PAPPA: variants seen among roughly 807,000 people sequenced by gnomAD.
PAPPA encodes pappalysin 1, also known as pappalysin-1.
In PAPPA, 60 loss-of-function variants were observed where a neutral mutation model predicts 164.0. The observed-to-expected ratio is 0.37, with a 90% CI of 0.30 to 0.45. The LOEUF is 0.45. PAPPA is among the 20% of genes least tolerant of loss of function. The pLI is 1.00. For missense variants in PAPPA, 1,782 were observed against 2,087.3 expected (o/e 0.85, Z 2.85); for synonymous variants, 875 against 814.1 (o/e 1.07, Z -1.27).
rs77428825 is a variant in PAPPA at position 116,368,513 on chromosome 9, C to G, written c.4605+759C>G. 9.2e-4 allele frequency among the ~76,000 whole-genome samples: 140 copies of G among 152,322 alleles called. 2 individuals are homozygous for G. In the East Asian group the frequency reaches 0.012, roughly 13 times the overall value. ...CCCAGCCAGATGACTACAGAGGCCC[C>G]CTCCTCAGGGCAGTGTCAGTTTGAC... On this transcript the variant is annotated intron_variant, in intron 19 of 21. Transcript: ENST00000328252.
intron 16 of PAPPA, 83 bp from the exon 17 acceptor site, chr9:116,353,539 G>A: frequency 8.1e-7 from 1 of 1,227,772 alleles, no homozygotes; most frequent in Non-Finnish European, 1.2e-6. Context: ...AGGAAATGGG[G>A]GCCCAGCTGG....
At chr9:116,188,757 G>T (rs534833351) in intron 2 of PAPPA, among the ~76,000 whole-genome samples, 1 of 152,226 alleles carries the variant, frequency 6.6e-6, no homozygotes, top group African/African-American at 2.4e-5. Flanking sequence ...AAAGAGGTGG[G>T]GTCGCATGGG....
intron 4 of PAPPA, among the ~76,000 whole-genome samples, chr9:116,218,593 A>G (rs1399386521): frequency 2.0e-5 from 3 of 152,192 alleles, no homozygotes; most frequent in African/African-American, 4.8e-5. Context: ...CACACCCTGG[A>G]AAAGAGAGAT....
chr9:116,323,995 C>T (rs951449630), intron 10 of PAPPA, among the ~76,000 whole-genome samples: 11 of 152,196 alleles, frequency 7.2e-5, no homozygotes, highest in African/African-American at 2.7e-4. Flanking sequence ...CCGGGGCAGA[C>T]CTGAAAAGGC....
intron 7 of PAPPA, among the ~76,000 whole-genome samples, chr9:116,254,525 G>A (rs1057277454): frequency 2.5e-4 from 38 of 152,152 alleles, no homozygotes; most frequent in African/African-American, 7.2e-5. Context: ...GCTCACACCT[G>A]TAATCCCAGC....
chr9:116,268,458 T>A (rs1020057808), intron 8 of PAPPA, among the ~76,000 whole-genome samples: 1 of 152,174 alleles, frequency 6.6e-6, no homozygotes, highest in African/African-American at 2.4e-5. Context: ...GAACTTCATA[T>A]CTAGACTATC....
At chr9:116,216,670 C>T (rs1844376062) in intron 4 of PAPPA, among the ~76,000 whole-genome samples, 1 of 152,162 alleles carries the variant, frequency 6.6e-6, no homozygotes, top group African/African-American at 2.4e-5. Flanking sequence ...CCTTTGGTAC[C>T]TCTCCCCAGA....
chr9:116,223,258 T>C (rs2118713134), intron 5 of PAPPA, among the ~76,000 whole-genome samples: 1 of 152,312 alleles, frequency 6.6e-6, no homozygotes, highest in Non-Finnish European at 1.5e-5. Context: ...ATTTACTTTT[T>C]CTGTGGTGAT....
chr9:116,234,630 G>T (rs1184704975), intron 6 of PAPPA, among the ~76,000 whole-genome samples: 1 of 152,154 alleles, frequency 6.6e-6, no homozygotes, highest in East Asian at 1.9e-4. Context: ...ATCCAATAGG[G>T]AGAACAGCAA....
chr9:116,207,352 G>A (rs1177486576), intron 2 of PAPPA, 104 bp from the exon 3 acceptor site: 2 of 847,688 alleles, frequency 2.4e-6, no homozygotes, highest in Admixed American at 5.1e-5. Flanking sequence ...TTTTTAAAGT[G>A]CTTAGCAAAA....
In PAPPA at chr9:116,175,484, T is replaced by C. The variant is rs1000568436; in HGVS notation, c.416-11670T>C. On this transcript the variant is annotated intron_variant, in intron 1 of 21. Transcript: ENST00000328252. ...ATACGTATTTCATAATATCATGTTG[T>C]ACAGTATTAATATACATAATTTTTG... Among the ~76,000 whole-genome samples, 3 of 152,322 alleles carry C rather than the reference T, an allele frequency of 2.0e-5. No individual in the cohort carries two copies. In the South Asian group the frequency reaches 6.2e-4, roughly 32 times the overall value.
intron 1 of PAPPA, among the ~76,000 whole-genome samples, chr9:116,168,789 A>T (rs1459886409): frequency 6.6e-6 from 1 of 152,144 alleles, no homozygotes; most frequent in Non-Finnish European, 1.5e-5. Flanking sequence ...CATCTGCATC[A>T]AGCCAATGCA....
chr9:116,254,649 G>T (rs928446088), intron 7 of PAPPA, among the ~76,000 whole-genome samples: 3 of 151,962 alleles, frequency 2.0e-5, no homozygotes, highest in Non-Finnish European at 2.9e-5. Flanking sequence ...GGGCGTGGTG[G>T]TGGGCGCCTG....
At chr9:116,353,462 A>G (rs764678367) in intron 16 of PAPPA, among the ~76,000 whole-genome samples, 160 bp from the exon 17 acceptor site, 6 of 152,216 alleles carry the variant, frequency 3.9e-5, no homozygotes, top group Non-Finnish European at 7.3e-5. Flanking sequence ...TGGATGAATT[A>G]TCCTTAATTC....
At chr9:116,156,604 A>T (rs1434787412) in intron 1 of PAPPA, among the ~76,000 whole-genome samples, 3 of 152,018 alleles carry the variant, frequency 2.0e-5, no homozygotes, top group Admixed American at 2.0e-4. Context: ...ATAAATAAGC[A>T]CTGCTGTCGT....
chr9:116,265,955 G>T lies in PAPPA; in HGVS notation c.2831G>T (p.Ser944Ile). The T allele has an allele frequency of 1.9e-6, 3 of 1,611,550 alleles. No homozygotes were observed. Among genetic ancestry groups the T allele is most frequent in the Non-Finnish European group, 2.5e-6 (3 of 1,178,084 alleles). ...PSPAVTYIHGSGYCGDGIIQK... is the reference protein window; with the variant it reads ...PSPAVTYIHGIGYCGDGIIQK... ...CCTGCTGTCACATACATCCATGGAAGTGGGTACTGTGGCGATGGCATTATA... is the reference window on the plus strand; with the variant it reads ...CCTGCTGTCACATACATCCATGGAATTGGGTACTGTGGCGATGGCATTATA... The change falls in exon 8 of 22, where the codon AGT (serine) becomes ATT (isoleucine). Residue 944 changes from serine to isoleucine, a missense_variant. Physicochemically the swap from Ser to Ile is moderately radical, Grantham distance 142 (BLOSUM62 -2). This residue lies in a region of PAPPA where 1,324 missense variants were observed against 1,656.9 expected (regional missense o/e 0.80). Coordinates refer to ENST00000328252, the MANE Select transcript of PAPPA (RefSeq NM_002581.5).
chr9:116,363,476 C>T (rs1846456820), intron 18 of PAPPA, among the ~76,000 whole-genome samples: 1 of 152,144 alleles, frequency 6.6e-6, no homozygotes, highest in South Asian at 2.1e-4. Context: ...GGATTGTATG[C>T]CAGGGATTTG....
Position 116,211,721 on chromosome 9 carries a change from C to A in PAPPA, c.1707C>A (p.Gly569=), listed in dbSNP as rs1844309552. The change falls in exon 4 of 22, where the codon GGC becomes GGA. Residue 569 remains glycine (G), a synonymous_variant. Coordinates refer to ENST00000328252, the MANE Select transcript of PAPPA (RefSeq NM_002581.5). The stretch of plus-strand genomic sequence containing the variant: ...TCCATGAGATTGGTCACAGCCTGGG[C>A]CTCTATCACGTCTTCCGAGGCATCT... ...TMIHEIGHSL[G]LYHVFRGISE... is the part of the protein sequence containing the mutation. 2.5e-6 allele frequency: 4 copies of A among 1,614,084 alleles called. No homozygotes were observed. The Admixed American group carries it at 5.0e-5, about 20-fold the overall frequency.
Position 116,274,146 on chromosome 9 carries a change from G to T in PAPPA, c.2953+2730G>T, listed in dbSNP as rs538507927. ...TCAGGGTGAATGAAAAAAAAACATT[G>T]CAAAACAAGTCGTATCACAAATTAA... On this transcript the variant is annotated intron_variant, in intron 9 of 21. Coordinates refer to ENST00000328252, the MANE Select transcript of PAPPA (RefSeq NM_002581.5). Among the ~76,000 whole-genome samples the T allele has an allele frequency of 1.1e-4, 16 of 151,556 alleles. No homozygotes were observed. The South Asian group carries it at 3.1e-3, about 30-fold the overall frequency.
Sources: allele counts gnomAD v4.1 joint callset (sites outside exome capture counted in the v4.1 genomes callset), GRCh38; gene constraint gnomAD v4.1.1; regional missense constraint gnomAD v4.1.1; transcripts MANE v1.5; gene names NCBI Gene and HGNC (gene_info 2026-07-23, HGNC 2026-07-21).